ST6GALNAC3: variants seen among roughly 807,000 people sequenced by gnomAD.
ST6GALNAC3 encodes the protein alpha-N-acetylgalactosaminide alpha-2,6-sialyltransferase 3.
In ST6GALNAC3, 25 loss-of-function variants were observed where a neutral mutation model predicts 32.7. That is an observed-to-expected ratio of 0.76 (90% confidence interval 0.56 to 1.07). The LOEUF is 1.07. Among genes scored for constraint, ST6GALNAC3 ranks in the 50% least tolerant of loss-of-function variants. ST6GALNAC3 has a pLI of 0.00. For missense variants in ST6GALNAC3, 355 were observed against 382.4 expected (o/e 0.93, Z 0.60); for synonymous variants, 129 against 133.1 (o/e 0.97, Z 0.21).
intron 1 of ST6GALNAC3, among the ~76,000 whole-genome samples, chr1:76,299,304 C>T (rs914756997): frequency 2.6e-5 from 4 of 151,950 alleles, no homozygotes; most frequent in Non-Finnish European, 4.4e-5. Context: ...ATCAGGCATA[C>T]GAAATACCCA....
At position 76,583,670 on chromosome 1, in the gene ST6GALNAC3, C is replaced by T. The variant is rs573040880; in HGVS notation, c.624-43782C>T. ...CCGCTGTATAATGCCAGGAACTCATCTTTACAGGAACTATGTGCTTAGGAC... is the reference window on the plus strand; with the variant it reads ...CCGCTGTATAATGCCAGGAACTCATTTTTACAGGAACTATGTGCTTAGGAC... On this transcript the variant is annotated intron_variant, in intron 3 of 4. Transcript: ENST00000328299. Among the ~76,000 whole-genome samples the T allele has an allele frequency of 2.0e-5, 3 of 152,240 alleles. No homozygotes were observed. In the South Asian group the frequency reaches 6.2e-4, roughly 32 times the overall value.
At chr1:76,411,909 T>C in intron 2 of ST6GALNAC3, 99 bp from the exon 3 acceptor site, 1 of 1,283,398 alleles carries the variant, frequency 7.8e-7, no homozygotes. Context: ...ATTTCCATAT[T>C]TGGTAATTAT....
chr1:76,141,211 C>A (rs971219978), intron 1 of ST6GALNAC3, among the ~76,000 whole-genome samples: 2 of 152,146 alleles, frequency 1.3e-5, no homozygotes, highest in African/African-American at 2.4e-5. Flanking sequence ...TGCTGAGTTG[C>A]AGCACCCTTC....
intron 1 of ST6GALNAC3, among the ~76,000 whole-genome samples, chr1:76,295,692 A>G (rs1295744769): frequency 6.6e-6 from 1 of 152,114 alleles, no homozygotes; most frequent in Admixed American, 6.6e-5. Context: ...TCATGAGGAA[A>G]TGAAGACCCA....
chr1:76,519,113 G>C (rs1387861711), intron 3 of ST6GALNAC3, among the ~76,000 whole-genome samples: 1 of 151,984 alleles, frequency 6.6e-6, no homozygotes. Context: ...ATGCATTCTG[G>C]TTAAATTGTT....
intron 3 of ST6GALNAC3, chr1:76,576,942 GAAAGAAACAAACAAAC>G: frequency 7.7e-7 from 1 of 1,291,866 alleles, no homozygotes; most frequent in Non-Finnish European, 1.0e-6. Flanking sequence ...AAGAAAGAAA[GAAAGAAACAAACAAAC>G]AAACAAACAA....
intron 1 of ST6GALNAC3, among the ~76,000 whole-genome samples, chr1:76,132,051 T>G (rs1443793785): frequency 6.6e-6 from 1 of 152,202 alleles, no homozygotes; most frequent in Non-Finnish European, 1.5e-5. Flanking sequence ...TCCTCCCTTG[T>G]GGGGGCTTGG....
chr1:76,542,207 G>A (rs1019921890), intron 3 of ST6GALNAC3, among the ~76,000 whole-genome samples: 1 of 152,070 alleles, frequency 6.6e-6, no homozygotes, highest in Non-Finnish European at 1.5e-5. Context: ...AGGATGGCTG[G>A]GCTAATAATA....
At chr1:76,388,655 C>G (rs890951974) in intron 2 of ST6GALNAC3, among the ~76,000 whole-genome samples, 2 of 152,144 alleles carry the variant, frequency 1.3e-5, no homozygotes, top group African/African-American at 2.4e-5. Flanking sequence ...CCGTAATATC[C>G]ACTGGCATTG....
intron 1 of ST6GALNAC3, among the ~76,000 whole-genome samples, chr1:76,312,235 AC>A (rs1646779784): frequency 6.6e-6 from 1 of 152,174 alleles, no homozygotes; most frequent in Admixed American, 6.5e-5. Flanking sequence ...TATGCAGAAA[AC>A]TGAAACTGGA....
chr1:76,106,675 G>A (rs491409), intron 1 of ST6GALNAC3, among the ~76,000 whole-genome samples: 43,238 of 151,920 alleles, frequency 0.28, 7,715 homozygotes, highest in African/African-American at 0.51. Flanking sequence ...TTAAGCACAC[G>A]GAAAAATCCA....
intron 3 of ST6GALNAC3, among the ~76,000 whole-genome samples, chr1:76,531,563 A>G (rs192450657): frequency 3.1e-4 from 47 of 152,306 alleles, no homozygotes; most frequent in Non-Finnish European, 5.7e-4. Flanking sequence ...AAATCTAGCA[A>G]GGTCATTTTA....
chr1:76,591,258 T>C (rs1360631932), intron 3 of ST6GALNAC3, among the ~76,000 whole-genome samples: 1 of 152,058 alleles, frequency 6.6e-6, no homozygotes, highest in East Asian at 1.9e-4. Context: ...AGGGAATAGC[T>C]GGCATATATA....
chr1:76,622,938 T>G (rs1446663116), intron 3 of ST6GALNAC3, among the ~76,000 whole-genome samples: 2 of 151,888 alleles, frequency 1.3e-5, no homozygotes, highest in Admixed American at 1.3e-4. Flanking sequence ...GGAAAGTGCT[T>G]CACGATATCT....
At chr1:76,164,945 T>G (rs533559989) in intron 1 of ST6GALNAC3, among the ~76,000 whole-genome samples, 86 of 152,278 alleles carry the variant, frequency 5.6e-4, no homozygotes, top group African/African-American at 2.0e-3. Context: ...GTGTGTGTGT[T>G]TTTAAGATTT....
intron 3 of ST6GALNAC3, among the ~76,000 whole-genome samples, chr1:76,503,212 C>T (rs1329071211): frequency 3.9e-5 from 6 of 152,210 alleles, no homozygotes; most frequent in African/African-American, 1.4e-4. Flanking sequence ...AATGGCAACA[C>T]CTCTCTCAGA....
intron 1 of ST6GALNAC3, among the ~76,000 whole-genome samples, chr1:76,217,890 A>G (rs1303356968): frequency 6.6e-6 from 1 of 152,064 alleles, no homozygotes; most frequent in Non-Finnish European, 1.5e-5. Flanking sequence ...GTATATATAT[A>G]CCACATTTTC....
At chr1:76,137,958 A>G (rs1167173646) in intron 1 of ST6GALNAC3, among the ~76,000 whole-genome samples, 1 of 152,224 alleles carries the variant, frequency 6.6e-6, no homozygotes, top group Non-Finnish European at 1.5e-5. Context: ...TGTAACTACT[A>G]TTGCATAACT....
chr1:76,352,497 CTTTTTTTTT>C lies in ST6GALNAC3; in HGVS notation c.213+38512_213+38520del, dbSNP rs397706056. On this transcript the variant is annotated intron_variant, in intron 2 of 4. Coordinates refer to ENST00000328299, the MANE Select transcript of ST6GALNAC3 (RefSeq NM_152996.4). ...GGTTATTTTCAAACTTTTTGGTTTCCTTTTTTTTTTTTTTTTTTTTTTACCTCCGGCCAA... is the reference window on the plus strand; with the variant it reads ...GGTTATTTTCAAACTTTTTGGTTTCCTTTTTTTTTTTTTACCTCCGGCCAA... Among the ~76,000 whole-genome samples the C allele has an allele frequency of 3.7e-3, 432 of 116,214 alleles. 3 individuals are homozygous for C. Among genetic ancestry groups the C allele is most frequent in the African/African-American group, 0.012 (393 of 31,492 alleles). The allele number at this position is 116,214 out of a possible 152,430, so 76.2% of individuals were successfully genotyped here.
Sources: allele counts gnomAD v4.1 joint callset (sites outside exome capture counted in the v4.1 genomes callset), GRCh38; gene constraint gnomAD v4.1.1; transcripts MANE v1.5; gene names NCBI Gene and HGNC (gene_info 2026-07-23, HGNC 2026-07-21).